Variants in FSCN2 observed in about 807,000 individuals in gnomAD.
The protein encoded by FSCN2 is fascin actin-bundling protein 2, retinal.
FSCN2 carries 46 observed loss-of-function variants against 37.8 expected under a neutral mutation model. The observed-to-expected ratio is 1.22, with a 90% CI of 0.96 to 1.56. The LOEUF (loss-of-function observed/expected upper bound fraction) is 1.56. Ranked by LOEUF, FSCN2 falls within the 40% of genes most tolerant of loss-of-function variation. The probability of loss-of-function intolerance (pLI) is 0.00; values close to 1 mark genes in which losing one functional copy is unlikely to be tolerated. For missense variants in FSCN2, 844 were observed against 730.4 expected, an observed-to-expected ratio of 1.16 and a Z score of -1.79; for synonymous variants, 351 against 309.4, an observed-to-expected ratio of 1.13 and a Z score of -1.41.
At position 81,536,640 on chromosome 17, in the gene FSCN2, C is replaced by T. The variant is rs183485967; in HGVS notation, c.1124C>T (p.Thr375Ile). The T allele has an allele frequency of 1.9e-5, 30 of 1,610,374 alleles. No homozygotes were observed. The highest frequency in any genetic ancestry group is 3.3e-5 in the Admixed American group (2 of 59,960). ...CCGCCAGGCAAGGACGAAGAGTTCA[C>T]CCTCAAGCTCATCAACCGGCCCATC... ...SDFVGKDEEF[T>I]LKLINRPILV... The change falls in exon 4 of 5, where the codon ACC (threonine) becomes ATC (isoleucine). Residue 375 changes from threonine to isoleucine, a missense_variant. Coordinates refer to ENST00000417245, the MANE Select transcript of FSCN2 (RefSeq NM_012418.4).
chr17:81,525,157 G>C (rs1162216068), upstream of FSCN2, among the ~76,000 whole-genome samples: 3 of 152,024 alleles, frequency 2.0e-5, no homozygotes, highest in African/African-American at 7.3e-5. Context: ...CAGGCACGGT[G>C]GCTCACGCCT....
intron 1 of FSCN2, among the ~76,000 whole-genome samples, chr17:81,531,065 C>T (rs995712605): frequency 2.6e-5 from 4 of 152,106 alleles, no homozygotes; most frequent in Non-Finnish European, 4.4e-5. Context: ...ATGGCCGTGG[C>T]CGTGGCATTG....
the FSCN2 span, among the ~76,000 whole-genome samples, chr17:81,518,344 G>A: frequency 9.6e-6 from 1 of 104,488 alleles, no homozygotes; most frequent in Non-Finnish European, 2.4e-5. Context: ...CAGTGAAGCT[G>A]GTGCCCCTGT....
upstream of FSCN2, among the ~76,000 whole-genome samples, chr17:81,527,976 C>T (rs2032401454): frequency 6.6e-6 from 1 of 152,118 alleles, no homozygotes; most frequent in Non-Finnish European, 1.5e-5. Context: ...AGCTGAGGGC[C>T]TGGCGGCCAC....
chr17:81,531,258 ATGATGGTGGTGATGGCGGTGG>A (rs2032551918), intron 1 of FSCN2, among the ~76,000 whole-genome samples: 1 of 70,242 alleles, frequency 1.4e-5, no homozygotes, highest in African/African-American at 7.0e-5. Flanking sequence ...GGTGATGGTG[ATGATGGTGGTGATGGCGGTGG>A]TGATGGTGAT....
chr17:81,532,125 ATGATAG>A (rs1201601317), intron 1 of FSCN2, among the ~76,000 whole-genome samples: 86 of 86,332 alleles, frequency 1.0e-3, no homozygotes, highest in African/African-American at 3.8e-3. Flanking sequence ...GATGATGGTG[ATGATAG>A]TGATGGTGAT....
In FSCN2 at chr17:81,528,475, C is replaced by A; in HGVS notation, c.-57C>A. ...CCGGGCTTCTGGGGGACCGCGGGGG[C>A]CGTGAGCACTCAGAGGGCGCATCCC... On this transcript the variant is annotated 5_prime_UTR_variant, in exon 1 of 5. Transcript: ENST00000417245. 1 of 1,323,306 alleles carries A rather than the reference C, an allele frequency of 7.6e-7. No individual in the cohort carries two copies. The highest frequency in any genetic ancestry group is 1.5e-5 in the African/African-American group (1 of 68,550). 82.0% of individuals were successfully genotyped at this position (1,323,306 alleles called of 1,614,324 possible). A position where few individuals can be genotyped will look rare whatever the true frequency, so the allele number is the denominator to read the frequency against.
At position 81,528,849 on chromosome 17, in the gene FSCN2, G is replaced by T. The variant is rs782438542; in HGVS notation, c.318G>T (p.Pro106=). 2 of 1,555,608 alleles carry T rather than the reference G, an allele frequency of 1.3e-6. No homozygotes were observed. Among genetic ancestry groups the T allele is most frequent in the African/African-American group, 1.4e-5 (1 of 73,644 alleles). The part of the protein sequence containing the change: ...PDGRWVLRSE[P]HGRFFGGTED... ...GGCGCTGGGTGCTGCGGTCCGAGCC[G>T]CACGGCCGCTTCTTCGGAGGCACCG... The change falls in exon 1 of 5, where the codon CCG becomes CCT. Residue 106 remains proline, a synonymous_variant. Coordinates refer to ENST00000417245, the MANE Select transcript of FSCN2 (RefSeq NM_012418.4).
At chr17:81,535,519 CCATCTCCATCACCAT>C (rs1278474180) in intron 2 of FSCN2, among the ~76,000 whole-genome samples, 9 of 3,548 alleles carry the variant, frequency 2.5e-3, no homozygotes, top group Middle Eastern at 0.05. Flanking sequence ...CCCATCTCCA[CCATCTCCATCACCAT>C]CATCACCATC....
At position 81,531,267 on chromosome 17, in the gene FSCN2, GTGA is replaced by G. The variant is rs1181273718; in HGVS notation, c.826+1913_826+1915del. 2.5e-4 allele frequency among the ~76,000 whole-genome samples: 25 copies of G among 101,314 alleles called. No homozygotes were observed. The East Asian group carries it at 4.6e-3, about 19-fold the overall frequency. The allele number at this position is 101,314 out of a possible 152,430, so 66.5% of individuals were successfully genotyped here. On this transcript the variant is annotated intron_variant, in intron 1 of 4. Transcript: ENST00000417245. ...GATGATGGTGATGGTGATGATGGTG[GTGA>G]TGGCGGTGGTGATGGTGATGGTGGT...
At chr17:81,526,992 C>G (rs1320511683), upstream of FSCN2, 1 of 152,334 alleles carries the variant, frequency 6.6e-6, no homozygotes, top group African/African-American at 2.4e-5. Flanking sequence ...TCTGCCCCCA[C>G]CCTGGCCCCT....
chr17:81,536,096 G>C (rs767482163), intron 2 of FSCN2, 50 bp from the exon 3 acceptor site: 1 of 1,584,608 alleles, frequency 6.3e-7, no homozygotes, highest in African/African-American at 1.3e-5. Context: ...GTGAGACCCT[G>C]CACCCCCATC....
chr17:81,531,369 G>GTGGTGGTGA (rs1555671283), intron 1 of FSCN2, among the ~76,000 whole-genome samples: 1 of 84,650 alleles, frequency 1.2e-5, no homozygotes, highest in African/African-American at 4.5e-5. Flanking sequence ...GGTGATGATG[G>GTGGTGGTGA]TGGTGGTGAT....
At chr17:81,521,762 G>A in the FSCN2 span, among the ~76,000 whole-genome samples, 1 of 152,176 alleles carries the variant, frequency 6.6e-6, no homozygotes. Context: ...TTTGGAAGCA[G>A]GTTTCAGGCA....
rs1568074930 is a variant in FSCN2 at position 81,529,106 on chromosome 17, GC to G, written c.576del (p.Tyr193ThrfsTer95). On this transcript the variant is annotated frameshift_variant, in exon 1 of 5. Transcript: ENST00000417245. LOFTEE classifies it high-confidence loss of function. ...RRYCLKSCDS[R>X]YLRSDGRLVW... The stretch of plus-strand genomic sequence containing the variant: ...TACTGCCTCAAGTCCTGTGACAGCC[GC>G]TACCTGCGCAGCGACGGCCGTCTGG... The G allele has an allele frequency of 1.3e-6, 2 of 1,586,690 alleles. No homozygotes were observed. The highest frequency in any genetic ancestry group is 2.3e-5 in the South Asian group (2 of 87,110).
Position 81,529,190 on chromosome 17 carries a change from C to T in FSCN2, c.659C>T (p.Ala220Val). The T allele has an allele frequency of 6.3e-7, 1 of 1,595,922 alleles. No homozygotes were observed. Among genetic ancestry groups the T allele is most frequent in the African/African-American group, 1.3e-5 (1 of 74,682 alleles). ...CTGGAGTTCAAGGCGGGCAAGCTGG[C>T]CTTCAAGGACTGCGACGGCCACTAC... ...YTLEFKAGKL[A>V]FKDCDGHYLA... Residue 220 changes from alanine to valine, a missense_variant, in exon 1 of 5, where the codon GCC (alanine) becomes GTC (valine). Physicochemically the swap from Ala to Val is moderately conservative, Grantham distance 64. Transcript: ENST00000417245.
intron 1 of FSCN2, among the ~76,000 whole-genome samples, chr17:81,531,459 GTGA>G (rs1382753715): frequency 3.1e-3 from 325 of 106,414 alleles, no homozygotes; most frequent in Non-Finnish European, 4.0e-3. Flanking sequence ...GGTGGTGATG[GTGA>G]TGATGGTGGT....
chr17:81,534,176 A>G (rs541648437), intron 1 of FSCN2, among the ~76,000 whole-genome samples: 1 of 152,066 alleles, frequency 6.6e-6, no homozygotes, highest in South Asian at 2.1e-4. Flanking sequence ...GGGCTGGCAG[A>G]AGGCAAAAGG....
At chr17:81,518,822 G>T in the FSCN2 span, among the ~76,000 whole-genome samples, 8 of 152,242 alleles carry the variant, frequency 5.3e-5, no homozygotes, top group African/African-American at 1.7e-4. Flanking sequence ...CTGGCGCCAC[G>T]CGGAAAAGGG....
Sources: allele counts gnomAD v4.1 joint callset (sites outside exome capture counted in the v4.1 genomes callset), GRCh38; gene constraint gnomAD v4.1.1; transcripts MANE v1.5; gene names NCBI Gene and HGNC (gene_info 2026-07-23, HGNC 2026-07-21).